ARHGEF3: variants seen among roughly 807,000 people sequenced by gnomAD.
ARHGEF3 encodes the protein 59.8 kDA protein.
A neutral mutation model predicts 63.2 loss-of-function variants in ARHGEF3; 28 were observed. The observed-to-expected ratio is 0.44, with a 90% CI of 0.33 to 0.61. ARHGEF3 has a LOEUF of 0.61. Ranked by LOEUF, ARHGEF3 falls within the 20% of genes least tolerant of loss-of-function variation. The pLI is 0.03. For missense variants in ARHGEF3, 533 were observed against 659.3 expected (o/e 0.81, Z 2.10); for synonymous variants, 266 against 254.2 (o/e 1.05, Z -0.44).
chr3:57,025,791 C>G (rs775109694), intron 2 of ARHGEF3, among the ~76,000 whole-genome samples: 1 of 152,198 alleles, frequency 6.6e-6, no homozygotes, highest in Non-Finnish European at 1.5e-5. Flanking sequence ...CCTGCCTGTC[C>G]TACTCACCAA....
chr3:57,067,860 G>C (rs1359977847), intron 1 of ARHGEF3, among the ~76,000 whole-genome samples: 1 of 151,666 alleles, frequency 6.6e-6, no homozygotes, highest in Non-Finnish European at 1.5e-5. Flanking sequence ...CAAAGTGGCG[G>C]GCTCCTGTGG....
intron 3 of ARHGEF3, chr3:56,916,421 G>A: frequency 6.8e-7 from 1 of 1,481,426 alleles, no homozygotes; most frequent in Non-Finnish European, 8.9e-7. Context: ...CTCTGAACAG[G>A]GCTGAGCATA....
At chr3:56,925,647 T>A (rs2042255712) in intron 3 of ARHGEF3, among the ~76,000 whole-genome samples, 1 of 151,288 alleles carries the variant, frequency 6.6e-6, no homozygotes, top group Non-Finnish European at 1.5e-5. Flanking sequence ...ACTTTTATTA[T>A]CCCTAGTTTA....
chr3:56,735,170 G>A (rs376412942), intron 8 of ARHGEF3, among the ~76,000 whole-genome samples: 1 of 152,280 alleles, frequency 6.6e-6, no homozygotes, highest in African/African-American at 2.4e-5. Flanking sequence ...TGTAATCCCA[G>A]CTACTCGGGA....
In ARHGEF3 at chr3:56,753,546, T is replaced by G; in HGVS notation, c.396A>C (p.Gln132His). The G allele has an allele frequency of 6.2e-7, 1 of 1,613,862 alleles. No homozygotes were observed. The highest frequency in any genetic ancestry group is 8.5e-7 in the Non-Finnish European group (1 of 1,179,982). ...KRQEAIFELS[Q>H]GEEDLIEDLK... is the part of the protein sequence containing the mutation. ...AGTCTTCTATCAAGTCTTCTTCTCC[T>G]TGGGAAAGCTCAAAGATCGCCTGCA... The change falls in exon 4 of 10, where the codon CAA becomes CAC. Residue 132 changes from glutamine to histidine, a missense_variant. Around this residue, in one of 4 missense-constraint regions of ARHGEF3, gnomAD observed 107 missense variants for 207.9 expected, o/e 0.51. Coordinates refer to ENST00000296315, the MANE Select transcript of ARHGEF3 (RefSeq NM_019555.3).
chr3:56,803,344 T>C (rs1032304052), upstream of ARHGEF3, among the ~76,000 whole-genome samples: 1 of 151,176 alleles, frequency 6.6e-6, no homozygotes, highest in African/African-American at 2.4e-5. Context: ...GAGGCTGAGG[T>C]GGGAGGATCA....
At chr3:56,967,763 A>G (rs1578979356) in intron 2 of ARHGEF3, among the ~76,000 whole-genome samples, 1 of 82,118 alleles carries the variant, frequency 1.2e-5, no homozygotes, top group Non-Finnish European at 2.1e-5. Context: ...ATACAATTAT[A>G]TATAATATAT....
At chr3:56,984,462 C>G (rs142164987) in intron 2 of ARHGEF3, among the ~76,000 whole-genome samples, 1 of 152,018 alleles carries the variant, frequency 6.6e-6, no homozygotes, top group African/African-American at 2.4e-5. Context: ...GGGAGGTGGA[C>G]AAGCCCCGCA....
At chr3:56,946,272 G>C (rs896858880) in intron 3 of ARHGEF3, among the ~76,000 whole-genome samples, 1 of 152,190 alleles carries the variant, frequency 6.6e-6, no homozygotes, top group African/African-American at 2.4e-5. Flanking sequence ...AACAAAGCTG[G>C]ATGGAGAATG....
intron 4 of ARHGEF3, among the ~76,000 whole-genome samples, chr3:56,850,367 A>G (rs912244496): frequency 2.0e-5 from 3 of 152,194 alleles, no homozygotes; most frequent in African/African-American, 7.2e-5. Context: ...TGTCTCTACT[A>G]AAAATACAAA....
chr3:56,870,119 T>C (rs978161410), intron 4 of ARHGEF3, among the ~76,000 whole-genome samples: 4 of 152,170 alleles, frequency 2.6e-5, no homozygotes, highest in East Asian at 1.9e-4. Flanking sequence ...TTGGGAAGTA[T>C]TGGACACAAC....
intron 1 of ARHGEF3, among the ~76,000 whole-genome samples, chr3:57,056,934 TAC>T (rs140034372): frequency 2.0e-5 from 3 of 151,202 alleles, no homozygotes; most frequent in East Asian, 1.9e-4. Flanking sequence ...TGCAGGTCTA[TAC>T]ACACACACAC....
At chr3:56,975,712 T>C (rs748333249) in intron 2 of ARHGEF3, 4 of 371,624 alleles carry the variant, frequency 1.1e-5, no homozygotes, top group South Asian at 2.0e-5. Flanking sequence ...TTAAAACCAT[T>C]GCAGAAGCAG....
At chr3:56,894,663 C>T (rs370979115) in intron 3 of ARHGEF3, among the ~76,000 whole-genome samples, 1 of 151,974 alleles carries the variant, frequency 6.6e-6, no homozygotes. Context: ...TAAAAAAATT[C>T]TATGGATTTG....
intron 3 of ARHGEF3, among the ~76,000 whole-genome samples, chr3:56,894,624 T>G (rs2041239337): frequency 6.6e-6 from 1 of 152,028 alleles, no homozygotes; most frequent in Non-Finnish European, 1.5e-5. Context: ...ACCCTATCTC[T>G]TTCTCTCTTT....
intron 9 of ARHGEF3, among the ~76,000 whole-genome samples, chr3:56,731,392 G>A (rs181844166): frequency 1.3e-5 from 2 of 151,934 alleles, no homozygotes; most frequent in Non-Finnish European, 2.9e-5. Flanking sequence ...TTAGCCAGGT[G>A]TGGTGGCCAG....
intron 1 of ARHGEF3, among the ~76,000 whole-genome samples, chr3:57,045,739 C>G (rs193154393): frequency 3.9e-5 from 6 of 152,286 alleles, no homozygotes; most frequent in Admixed American, 3.3e-4. Flanking sequence ...ACGTTCTCCC[C>G]CAAACAGAGG....
intron 3 of ARHGEF3, among the ~76,000 whole-genome samples, chr3:56,956,420 T>C (rs553630706): frequency 2.2e-4 from 33 of 152,136 alleles, no homozygotes; most frequent in Admixed American, 1.3e-3. Flanking sequence ...ATGTGACTGT[T>C]GTGTTAGAGA....
chr3:56,916,738 G>A (rs1197417309), intron 3 of ARHGEF3, among the ~76,000 whole-genome samples: 3 of 152,146 alleles, frequency 2.0e-5, no homozygotes, highest in South Asian at 4.1e-4. Flanking sequence ...CAAACACTGG[G>A]GTGAAATAGA....
Sources: gnomAD v4.1 joint callset for allele counts (sites outside exome capture counted in the v4.1 genomes callset) on GRCh38, gnomAD v4.1.1 for gene constraint, gnomAD v4.1.1 regional missense constraint, MANE v1.5 for transcripts, NCBI Gene and HGNC (gene_info 2026-07-23, HGNC 2026-07-21) for gene names.